The following RIDA variants were observed in gnomAD, a reference collection of about 807,000 sequenced individuals.
RIDA encodes the protein reactive intermediate imine deaminase A.
In RIDA, 17 loss-of-function variants were observed where a neutral mutation model predicts 17.8. The observed-to-expected ratio is 0.96, with a 90% CI of 0.65 to 1.43. The LOEUF (loss-of-function observed/expected upper bound fraction) is 1.43, where lower values mean the gene tolerates loss of function less well. Ranked by LOEUF, RIDA falls within the 40% of genes most tolerant of loss-of-function variation. The pLI is 0.00. For missense variants in RIDA, 158 were observed against 161.7 expected (o/e 0.98, Z 0.12); for synonymous variants, 48 against 55.7 (o/e 0.86, Z 0.62).
intron 1 of RIDA, among the ~76,000 whole-genome samples, chr8:98,112,732 C>A (rs1815745650): frequency 6.6e-6 from 1 of 152,176 alleles, no homozygotes; most frequent in African/African-American, 2.4e-5. Flanking sequence ...TTTTTATTAA[C>A]TGTCCTGTGT....
At chr8:98,113,916 T>C (rs1408687698) in intron 1 of RIDA, 1 of 152,230 alleles carries the variant, frequency 6.6e-6, no homozygotes, top group African/African-American at 2.4e-5. Context: ...CTCACTTTCT[T>C]TACCTCCAAA....
intron 2 of RIDA, among the ~76,000 whole-genome samples, chr8:98,107,522 A>G (rs1195058305): frequency 6.6e-6 from 1 of 152,208 alleles, no homozygotes; most frequent in Non-Finnish European, 1.5e-5. Context: ...AGGCTGTCTC[A>G]AGAAACAAAA....
chr8:98,112,150 C>T (rs1481754075), intron 1 of RIDA, among the ~76,000 whole-genome samples: 2 of 151,158 alleles, frequency 1.3e-5, no homozygotes, highest in African/African-American at 4.9e-5. Flanking sequence ...TTTAATGAGT[C>T]ACCATTGCTT....
chr8:98,104,091 T>C (rs1445114564), intron 5 of RIDA, among the ~76,000 whole-genome samples: 2 of 151,126 alleles, frequency 1.3e-5, no homozygotes, highest in African/African-American at 2.4e-5. Flanking sequence ...TCTTTTTTTT[T>C]TTTTTTTTAA....
intron 1 of RIDA, among the ~76,000 whole-genome samples, chr8:98,111,563 G>A (rs552604492): frequency 2.7e-5 from 4 of 149,588 alleles, no homozygotes; most frequent in African/African-American, 7.4e-5. Context: ...CCAAGATCAC[G>A]TTACTGTACT....
At chr8:98,113,652 G>T (rs1307971930) in intron 1 of RIDA, 1 of 152,074 alleles carries the variant, frequency 6.6e-6, no homozygotes, top group African/African-American at 2.4e-5. Flanking sequence ...AAGTCAACCA[G>T]GAACATTACT....
chr8:98,102,926 T>A (rs1815580030), intron 5 of RIDA, 22 bp from the exon 6 acceptor site: 1 of 1,593,818 alleles, frequency 6.3e-7, no homozygotes, highest in Non-Finnish European at 8.6e-7. Context: ...ATGAAAGAAT[T>A]TGTTGTAATC....
chr8:98,102,862 G>T lies in RIDA; in HGVS notation c.394C>A (p.Leu132Met). The change falls in exon 6 of 6, where the codon CTG becomes ATG. Residue 132 changes from leucine (L) to methionine (M), a missense_variant. Coordinates refer to ENST00000254878, the MANE Select transcript of RIDA (RefSeq NM_005836.3). ...EIEAVAIQGP[L>M]TTASL ...CCCACTTATAGTGATGCCGTTGTCA[G>T]TGGTCCTTGGATAGCTACTGCTTCA... 1 of 1,613,170 alleles carries T rather than the reference G, an allele frequency of 6.2e-7. No individual in the cohort carries two copies. Among genetic ancestry groups the T allele is most frequent in the Non-Finnish European group, 8.5e-7 (1 of 1,179,296 alleles).
At position 98,106,004 on chromosome 8, in the gene RIDA, C is replaced by A; in HGVS notation, c.229G>T (p.Val77Leu). 6.3e-7 allele frequency: 1 copy of A among 1,596,630 alleles called. No homozygotes were observed. Among genetic ancestry groups the A allele is most frequent in the Non-Finnish European group, 8.6e-7 (1 of 1,164,312 alleles). The change falls in exon 4 of 6, where the codon GTG becomes TTG. Residue 77 changes from valine to leucine, a missense_variant and splice_region_variant. Val to Leu is a conservative substitution (Grantham distance 32). Transcript: ENST00000254878. ...KAAGCDFTNV[V>L]KTTVLLADIN... Reference sequence around the variant, plus strand: ...TCAGCCAGAAGAACAGTTGTTTTCACCACTAGAAGATATAAACATTGTCAT... The same window carrying A: ...TCAGCCAGAAGAACAGTTGTTTTCAACACTAGAAGATATAAACATTGTCAT...
chr8:98,111,513 T>C (rs1326344124), intron 1 of RIDA, among the ~76,000 whole-genome samples: 3 of 151,134 alleles, frequency 2.0e-5, no homozygotes, highest in African/African-American at 7.3e-5. Context: ...GGCTGAGGCA[T>C]GAGAATCACT....
At chr8:98,116,089 T>G (rs991203302) in intron 1 of RIDA, among the ~76,000 whole-genome samples, 5 of 152,172 alleles carry the variant, frequency 3.3e-5, no homozygotes, top group Non-Finnish European at 7.3e-5. Flanking sequence ...CTCAATGACT[T>G]CCTGTTGAAA....
chr8:98,105,297 A>AT (rs71271199), intron 4 of RIDA, among the ~76,000 whole-genome samples: 4,143 of 152,230 alleles, frequency 0.027, 84 homozygotes, highest in Non-Finnish European at 0.039. Context: ...GTCTTTTCTA[A>AT]TAATTTCTTC....
intron 2 of RIDA, among the ~76,000 whole-genome samples, chr8:98,107,693 G>GT (rs1815650789): frequency 6.6e-6 from 1 of 150,804 alleles, no homozygotes; most frequent in African/African-American, 2.4e-5. Context: ...CACCTCCCAG[G>GT]TTTAAGCGAT....
At chr8:98,108,868 A>G in intron 1 of RIDA, 117 bp from the exon 2 acceptor site, 1 of 613,202 alleles carries the variant, frequency 1.6e-6, no homozygotes, top group Non-Finnish European at 2.9e-6. Context: ...AAACAGATAC[A>G]TTGGACTTCA....
In RIDA at chr8:98,105,997, G is replaced by T. The variant is rs1215014487; in HGVS notation, c.236C>A (p.Thr79Lys). Residue 79 changes from threonine (T) to lysine (K), a missense_variant, in exon 4 of 6, where the codon ACA (threonine) becomes AAA (lysine). Transcript: ENST00000254878. ...AGCDFTNVVK[T>K]TVLLADINDF... ...ATTTATGTCAGCCAGAAGAACAGTT[G>T]TTTTCACCACTAGAAGATATAAACA... 8 of 1,601,796 alleles carry T rather than the reference G, an allele frequency of 5.0e-6. No individual in the cohort carries two copies. Among genetic ancestry groups the T allele is most frequent in the Non-Finnish European group, 6.8e-6 (8 of 1,169,010 alleles).
At chr8:98,110,639 T>C (rs2130553997) in intron 1 of RIDA, among the ~76,000 whole-genome samples, 1 of 152,338 alleles carries the variant, frequency 6.6e-6, no homozygotes, top group South Asian at 2.1e-4. Flanking sequence ...AAGAGCACTT[T>C]TAAAAACATA....
chr8:98,106,008 T>G lies in RIDA; in HGVS notation c.227-2A>C. 1.3e-6 allele frequency: 2 copies of G among 1,591,724 alleles called. No homozygotes were observed. On this transcript the variant is annotated splice_acceptor_variant, in intron 3 of 5. Transcript: ENST00000254878. LOFTEE classifies it high-confidence loss of function. ...CCAGAAGAACAGTTGTTTTCACCAC[T>G]AGAAGATATAAACATTGTCATTAGG... is the stretch of plus-strand genomic sequence containing the variant.
At chr8:98,114,118 C>T (rs913996275) in intron 1 of RIDA, among the ~76,000 whole-genome samples, 8 of 152,046 alleles carry the variant, frequency 5.3e-5, no homozygotes, top group African/African-American at 7.2e-5. Context: ...GGCTTGAGCC[C>T]GGGAGGTTGA....
intron 1 of RIDA, among the ~76,000 whole-genome samples, chr8:98,112,438 C>T (rs1815741867): frequency 6.6e-6 from 1 of 152,278 alleles, no homozygotes; most frequent in African/African-American, 2.4e-5. Flanking sequence ...TCCTTGCATA[C>T]AGTAGGCACA....
Sources: allele counts gnomAD v4.1 joint callset (sites outside exome capture counted in the v4.1 genomes callset), GRCh38; gene constraint gnomAD v4.1.1; transcripts MANE v1.5; gene names NCBI Gene and HGNC (gene_info 2026-07-23, HGNC 2026-07-21).